USP18: variants seen among roughly 807,000 people sequenced by gnomAD.
USP18 encodes ubl carboxyl-terminal hydrolase 18.
In USP18, 11 loss-of-function variants were observed where a neutral mutation model predicts 48.7. The observed-to-expected ratio is 0.23, with a 90% CI of 0.14 to 0.37. USP18 has a LOEUF of 0.37. Among genes scored for constraint, USP18 ranks in the 10% least tolerant of loss-of-function variants. The pLI is 1.00. For synonymous variants in USP18, 114 were observed against 163.2 expected (o/e 0.70, Z 2.30); for missense variants, 285 against 436.4 (o/e 0.65, Z 3.09).
chr22:18,169,711 C>A (rs2123739585), intron 6 of USP18, 133 bp from the exon 7 acceptor site: 1 of 1,089,250 alleles, frequency 9.2e-7, no homozygotes. Flanking sequence ...GAACCATGGG[C>A]CAATCAAACT....
chr22:18,160,979 A>G (rs1325960520), intron 3 of USP18, among the ~76,000 whole-genome samples: 1 of 152,024 alleles, frequency 6.6e-6, no homozygotes, highest in African/African-American at 2.4e-5. Flanking sequence ...CATGTTGGCC[A>G]GGCTGGTCTC....
rs796231355 is a variant in USP18 at position 18,156,309 on chromosome 22, T to TG, written c.-106-1245dup. Among the ~76,000 whole-genome samples the TG allele has an allele frequency of 4.6e-5, 7 of 152,194 alleles. 1 individual carries two copies. Among genetic ancestry groups the TG allele is most frequent in the African/African-American group, 1.4e-4 (6 of 41,528 alleles). ...AATGGACCAATCAGCAGGATGTGGGTGGGGCCAGATAAGAGAATAAAAGCA... is the reference window on the plus strand; with the variant it reads ...AATGGACCAATCAGCAGGATGTGGGTGGGGGCCAGATAAGAGAATAAAAGCA... On this transcript the variant is annotated intron_variant, in intron 1 of 10. Transcript: ENST00000215794.
chr22:18,168,869 C>T (rs1254675109), intron 6 of USP18, among the ~76,000 whole-genome samples: 3 of 152,210 alleles, frequency 2.0e-5, no homozygotes, highest in Admixed American at 2.0e-4. Flanking sequence ...TTTCATGGCA[C>T]TGGCCAATTT....
chr22:18,151,234 A>G (rs931046758), intron 1 of USP18, among the ~76,000 whole-genome samples: 3 of 152,200 alleles, frequency 2.0e-5, no homozygotes, highest in Admixed American at 6.5e-5. Context: ...GAAGAAAGCT[A>G]AATTTAGACT....
chr22:18,161,877 G>T lies in USP18; in HGVS notation c.342G>T (p.Arg114=). 6.2e-7 allele frequency: 1 copy of T among 1,614,020 alleles called. No homozygotes were observed. Among genetic ancestry groups the T allele is most frequent in the Non-Finnish European group, 8.5e-7 (1 of 1,179,996 alleles). ...LLLLEKMQDS[R]QKAVRPLELA... ...TGCTGGAGAAGATGCAGGACAGCCG[G>T]CAGAAAGCAGTGCGGCCCCTGGAGC... Residue 114 remains arginine (R), a synonymous_variant, in exon 4 of 11, where the codon CGG becomes CGT. Coordinates refer to ENST00000215794, the MANE Select transcript of USP18 (RefSeq NM_017414.4).
intron 4 of USP18, among the ~76,000 whole-genome samples, chr22:18,163,677 A>G (rs1305163100): frequency 6.6e-6 from 1 of 152,094 alleles, no homozygotes; most frequent in East Asian, 1.9e-4. Context: ...AAAAGAAAAA[A>G]AGAAAAATAC....
rs900018431 is a variant in USP18, at chr22:18,167,437, C to G, written c.480+103C>G. Reference sequence around the variant, plus strand: ...TGTAGAGGAATAAAAGAGTTAATCCCCTGTAATCCCAGCACTTTGGGAGGC... The same window carrying G: ...TGTAGAGGAATAAAAGAGTTAATCCGCTGTAATCCCAGCACTTTGGGAGGC... On this transcript the variant is annotated intron_variant, in intron 5 of 10. Transcript: ENST00000215794. The G allele has an allele frequency of 5.1e-6, 7 of 1,362,762 alleles. No homozygotes were observed. In the African/African-American group the frequency reaches 7.3e-5, roughly 14 times the overall value. The allele number at this position is 1,362,762 out of a possible 1,614,324, so 84.4% of individuals were successfully genotyped here. A position where few individuals can be genotyped will look rare whatever the true frequency, so the allele number is the denominator to read the frequency against.
intron 8 of USP18, among the ~76,000 whole-genome samples, 168 bp from the exon 9 acceptor site, chr22:18,172,982 T>G (rs1319712649): frequency 1.3e-5 from 2 of 151,264 alleles, no homozygotes; most frequent in African/African-American, 4.9e-5. Flanking sequence ...CAGTTCAGGA[T>G]CCACACTCGG....
intron 7 of USP18, 95 bp from the exon 8 acceptor site, chr22:18,170,658 C>T (rs1929604863): frequency 7.1e-7 from 1 of 1,408,402 alleles, no homozygotes; most frequent in South Asian, 1.3e-5. Flanking sequence ...GCCCCGCTCC[C>T]CTCTTTTTGG....
At chr22:18,172,800 C>T (rs979532808) in intron 8 of USP18, among the ~76,000 whole-genome samples, 25 of 150,466 alleles carry the variant, frequency 1.7e-4, no homozygotes, top group African/African-American at 5.7e-4. Flanking sequence ...TGGCTGGGTA[C>T]GGTGGCTCAG....
At chr22:18,173,648 AG>A (rs1292097574) in intron 9 of USP18, 144 bp from the exon 10 acceptor site, 3 of 1,256,630 alleles carry the variant, frequency 2.4e-6, no homozygotes, top group Non-Finnish European at 3.3e-6. Flanking sequence ...TCATTGCACA[AG>A]ACATCCTGCT....
At chr22:18,164,486 A>C (rs898007599) in intron 4 of USP18, among the ~76,000 whole-genome samples, 113 of 152,010 alleles carry the variant, frequency 7.4e-4, no homozygotes, top group Non-Finnish European at 1.6e-3. Flanking sequence ...TGATTTTACC[A>C]TACAGCAGGG....
At position 18,157,675 on chromosome 22, in the gene USP18, G is replaced by C. The variant is rs1464995966; in HGVS notation, c.12G>C (p.Ala4=). The change falls in exon 2 of 11, where the codon GCG becomes GCC. Residue 4 remains alanine, a synonymous_variant. Transcript: ENST00000215794. ...TGGAGTGATCACGAATGAGCAAGGCGTTTGGGCTCCTGAGGCAAATCTGTC... is the reference window on the plus strand; with the variant it reads ...TGGAGTGATCACGAATGAGCAAGGCCTTTGGGCTCCTGAGGCAAATCTGTC... MSK[A]FGLLRQICQS... 2 of 1,613,976 alleles carry C rather than the reference G, an allele frequency of 1.2e-6. No homozygotes were observed. The highest frequency in any genetic ancestry group is 3.3e-5 in the Admixed American group (2 of 59,998).
intron 4 of USP18, among the ~76,000 whole-genome samples, chr22:18,163,657 AAAAAAAG>A (rs1381626252): frequency 1.4e-4 from 22 of 152,080 alleles, no homozygotes; most frequent in African/African-American, 3.1e-4. Context: ...AAAAAGAAAA[AAAAAAAG>A]AAAAAAGAAA....
Position 18,157,809 on chromosome 22 carries a change from A to T in USP18, c.146A>T (p.Asp49Val), listed in dbSNP as rs772677859. 20 of 1,613,976 alleles carry T rather than the reference A, an allele frequency of 1.2e-5. No individual in the cohort carries two copies. The highest frequency in any genetic ancestry group is 1.7e-5 in the Non-Finnish European group (20 of 1,179,994). ...CCCAGAGAGCGTCCCAGGGCCTGGG[A>T]CTACCCTCATGGTCATTAGACCCCT... ...EQPRERPRAW[D>V]YPHGLVGLHN... Residue 49 changes from aspartate (D) to valine (V), a missense_variant, in exon 2 of 11, where the codon GAC becomes GTC. Asp to Val is a radical substitution (Grantham distance 152, BLOSUM62 -3). This residue lies in a region of USP18 where 199 missense variants were observed against 239.6 expected (regional missense o/e 0.83). Transcript: ENST00000215794.
rs1178816911 is a variant in USP18, at chr22:18,167,974, A to C, written c.565A>C (p.Ser189Arg). 4 of 1,614,052 alleles carry C rather than the reference A, an allele frequency of 2.5e-6. No individual in the cohort carries two copies. The highest frequency in any genetic ancestry group is 3.4e-6 in the Non-Finnish European group (4 of 1,180,042). Residue 189 changes from serine to arginine, a missense_variant, in exon 6 of 11, where the codon AGC becomes CGC. Ser to Arg is a moderately radical substitution (Grantham distance 110, BLOSUM62 -1). Coordinates refer to ENST00000215794, the MANE Select transcript of USP18 (RefSeq NM_017414.4). ...CTGTGCCATGGAGAGTAGCAGAAAC[A>C]GCAGCATGCTCACCCTCCCACTTTC... The part of the protein sequence containing the change: ...VDCAMESSRN[S>R]SMLTLPLSLF...
chr22:18,165,901 C>A (rs565734032), intron 4 of USP18, among the ~76,000 whole-genome samples: 12 of 151,780 alleles, frequency 7.9e-5, no homozygotes, highest in East Asian at 5.9e-4. Flanking sequence ...TCACTCCCCC[C>A]ACCCCCACAA....
intron 10 of USP18, among the ~76,000 whole-genome samples, chr22:18,175,957 C>A (rs5993039): frequency 6.9e-6 from 1 of 145,154 alleles, no homozygotes; most frequent in Non-Finnish European, 1.5e-5. Context: ...TGCACTCCAG[C>A]CTGGTGACAG....
chr22:18,157,460 A>G (rs2123728636), intron 1 of USP18, 98 bp from the exon 2 acceptor site: 2 of 633,560 alleles, frequency 3.2e-6, no homozygotes. Flanking sequence ...CCAAACATTT[A>G]TCTCCCTCTA....
Sources: gnomAD v4.1 joint callset for allele counts (sites outside exome capture counted in the v4.1 genomes callset) on GRCh38, gnomAD v4.1.1 for gene constraint, gnomAD v4.1.1 regional missense constraint, MANE v1.5 for transcripts, NCBI Gene and HGNC (gene_info 2026-07-23, HGNC 2026-07-21) for gene names.